The following NPSR1 variants were observed in gnomAD, a reference collection of about 807,000 sequenced individuals.
NPSR1 encodes neuropeptide S receptor.
Under a neutral mutation model 46.9 loss-of-function variants are expected in NPSR1, and 48 were observed. That is an observed-to-expected ratio of 1.02 (90% confidence interval 0.81 to 1.30). The LOEUF is 1.30. Ranked by LOEUF, NPSR1 falls within the 50% of genes most tolerant of loss-of-function variation. The pLI, the probability that NPSR1 is intolerant of heterozygous loss-of-function variation, is 0.00. For synonymous variants in NPSR1, 176 were observed against 168.1 expected, an observed-to-expected ratio of 1.05 and a Z score of -0.36; for missense variants, 450 against 449.5, an observed-to-expected ratio of 1.00 and a Z score of -0.01.
At chr7:34,811,892 A>T in intron 4 of NPSR1, 29 bp downstream of exon 4, 3 of 1,453,420 alleles carry the variant, frequency 2.1e-6, no homozygotes, top group Non-Finnish European at 2.9e-6. Flanking sequence ...GTGCTCTTTC[A>T]TAAAGAACTG....
At chr7:34,696,078 TA>T (rs34574984) in intron 2 of NPSR1, among the ~76,000 whole-genome samples, 51,075 of 113,774 alleles carry the variant, frequency 0.45, 9,217 homozygotes, top group South Asian at 0.54. Flanking sequence ...GTTGATTTGA[TA>T]AAAAAAAAAA....
intron 3 of NPSR1, among the ~76,000 whole-genome samples, chr7:34,785,456 C>A (rs1403802528): frequency 1.3e-5 from 2 of 151,272 alleles, no homozygotes; most frequent in African/African-American, 4.9e-5. Context: ...GGGTGCAGCA[C>A]ACCAGCATGG....
intron 2 of NPSR1, among the ~76,000 whole-genome samples, chr7:34,765,224 T>C (rs1397663850): frequency 1.3e-5 from 2 of 152,194 alleles, no homozygotes; most frequent in Admixed American, 6.5e-5. Flanking sequence ...TGATATACTC[T>C]ACACAAAATG....
chr7:34,791,103 A>AT (rs1787820609), intron 3 of NPSR1, among the ~76,000 whole-genome samples: 2 of 87,652 alleles, frequency 2.3e-5, no homozygotes, highest in Non-Finnish European at 1.9e-5. Flanking sequence ...TATTATATAT[A>AT]ATATGTTATA....
At chr7:34,872,994 T>G (rs1188045780) in intron 8 of NPSR1, among the ~76,000 whole-genome samples, 4 of 150,598 alleles carry the variant, frequency 2.7e-5, no homozygotes, top group South Asian at 2.1e-4. Context: ...GGCCACTTCT[T>G]GAACACTTTG....
At chr7:34,854,916 G>A (rs1283127738), downstream of NPSR1, among the ~76,000 whole-genome samples, 1 of 151,792 alleles carries the variant, frequency 6.6e-6, no homozygotes, top group Non-Finnish European at 1.5e-5. Flanking sequence ...ACACTTCCAC[G>A]AGATTGAATT....
At chr7:34,718,251 A>G (rs1783672322) in intron 2 of NPSR1, among the ~76,000 whole-genome samples, 1 of 152,344 alleles carries the variant, frequency 6.6e-6, no homozygotes, top group East Asian at 1.9e-4. Context: ...TTCCAAAATG[A>G]CAAAAATGCA....
rs776613439 is a variant in NPSR1 at position 34,827,582 on chromosome 7, C to T, written c.660C>T (p.Phe220=). 2 of 1,573,936 alleles carry T rather than the reference C, an allele frequency of 1.3e-6. No homozygotes were observed. Among genetic ancestry groups the T allele is most frequent in the Non-Finnish European group, 8.7e-7 (1 of 1,155,070 alleles). ...YMTIVAFLVY[F]IPLTIISIMY... is the part of the protein sequence containing the mutation. Reference sequence around the variant, plus strand: ...CCATCGTGGCCTTCCTGGTGTACTTCATCCCTCTGACAATCATCAGGTAAG... The same window carrying T: ...CCATCGTGGCCTTCCTGGTGTACTTTATCCCTCTGACAATCATCAGGTAAG... The change falls in exon 5 of 9, where the codon TTC becomes TTT. Residue 220 remains phenylalanine (F), a synonymous_variant. Coordinates refer to ENST00000360581, the MANE Select transcript of NPSR1 (RefSeq NM_207172.2).
intron 6 of NPSR1, among the ~76,000 whole-genome samples, chr7:34,839,354 T>G (rs1481988067): frequency 6.6e-6 from 1 of 152,054 alleles, no homozygotes; most frequent in African/African-American, 2.4e-5. Context: ...ACAAGGAAAA[T>G]TCAAGAGACA....
intron 8 of NPSR1, among the ~76,000 whole-genome samples, chr7:34,861,079 A>C (rs1240182385): frequency 6.6e-6 from 1 of 151,834 alleles, no homozygotes; most frequent in Non-Finnish European, 1.5e-5. Context: ...GCTTCGTTCC[A>C]GGCAACAAAC....
At chr7:34,807,405 T>C (rs1354972420) in intron 3 of NPSR1, among the ~76,000 whole-genome samples, 1 of 152,220 alleles carries the variant, frequency 6.6e-6, no homozygotes, top group Non-Finnish European at 1.5e-5. Context: ...GGTTTCATTA[T>C]ATATTTAGCA....
intron 3 of NPSR1, among the ~76,000 whole-genome samples, chr7:34,788,629 A>T (rs544192049): frequency 1.3e-5 from 2 of 152,234 alleles, no homozygotes; most frequent in Admixed American, 1.3e-4. Context: ...TTATAAATAT[A>T]TATGGACCCT....
intron 8 of NPSR1, among the ~76,000 whole-genome samples, chr7:34,866,643 G>C (rs372214366): frequency 0.013 from 1,936 of 151,544 alleles, 67 homozygotes; most frequent in African/African-American, 0.037. Context: ...ATGATCATAT[G>C]GGCTTCTCCT....
intron 7 of NPSR1, among the ~76,000 whole-genome samples, chr7:34,846,565 A>C (rs1790747932): frequency 6.6e-6 from 1 of 152,180 alleles, no homozygotes; most frequent in Non-Finnish European, 1.5e-5. Flanking sequence ...ACATAAGCAC[A>C]GCTACACTAG....
chr7:34,694,464 A>T (rs1030170282), intron 2 of NPSR1, among the ~76,000 whole-genome samples: 2 of 152,236 alleles, frequency 1.3e-5, no homozygotes, highest in Non-Finnish European at 2.9e-5. Flanking sequence ...TTAACCAAGG[A>T]GATGAAATAT....
chr7:34,863,649 A>G (rs1321650249), intron 8 of NPSR1, among the ~76,000 whole-genome samples: 1 of 151,934 alleles, frequency 6.6e-6, no homozygotes, highest in African/African-American at 2.4e-5. Flanking sequence ...TGGTCATTAG[A>G]GAAATGCAAA....
At chr7:34,687,799 T>A (rs1027283624) in intron 2 of NPSR1, among the ~76,000 whole-genome samples, 4 of 152,188 alleles carry the variant, frequency 2.6e-5, no homozygotes, top group Non-Finnish European at 5.9e-5. Flanking sequence ...CTGGACAAAA[T>A]TTAAACATTT....
chr7:34,786,076 A>G (rs1189715319), intron 3 of NPSR1, among the ~76,000 whole-genome samples: 1 of 152,168 alleles, frequency 6.6e-6, no homozygotes, highest in Non-Finnish European at 1.5e-5. Flanking sequence ...CCTTACATAT[A>G]AAAAATTATC....
At chr7:34,705,036 T>G (rs551350393) in intron 2 of NPSR1, among the ~76,000 whole-genome samples, 2 of 152,348 alleles carry the variant, frequency 1.3e-5, no homozygotes, top group South Asian at 4.1e-4. Flanking sequence ...CTTTTGAATT[T>G]GCCTTTACTA....
Sources: allele counts gnomAD v4.1 joint callset (sites outside exome capture counted in the v4.1 genomes callset), GRCh38; gene constraint gnomAD v4.1.1; transcripts MANE v1.5; gene names NCBI Gene and HGNC (gene_info 2026-07-23, HGNC 2026-07-21).